The following LUZP1 variants were observed in gnomAD, a reference collection of about 807,000 sequenced individuals.
LUZP1 encodes leucine zipper protein 1.
Under a neutral mutation model 71.3 loss-of-function variants are expected in LUZP1, and 25 were observed. That is an observed-to-expected ratio of 0.35 (90% CI 0.26 to 0.49). LUZP1 has a LOEUF of 0.49. LUZP1 is among the 20% of genes least tolerant of loss of function. The pLI is 0.99. For missense variants in LUZP1, 1,142 were observed against 1,300.8 expected, an observed-to-expected ratio of 0.88 and a Z score of 1.88; for synonymous variants, 481 against 506.4, an observed-to-expected ratio of 0.95 and a Z score of 0.67.
At chr1:23,135,737 A>C (rs1644248449) in intron 2 of LUZP1, among the ~76,000 whole-genome samples, 1 of 152,180 alleles carries the variant, frequency 6.6e-6, no homozygotes, top group Non-Finnish European at 1.5e-5. Context: ...AAAGGAAGAG[A>C]ATATTATTAA....
chr1:23,149,078 C>CAA (rs1644363592), intron 2 of LUZP1, among the ~76,000 whole-genome samples: 8 of 65,456 alleles, frequency 1.2e-4, no homozygotes, highest in African/African-American at 7.2e-4. Context: ...GACACCTTGC[C>CAA]TAAAAAAAAA....
intron 3 of LUZP1, among the ~76,000 whole-genome samples, chr1:23,097,086 TAGAATGCTGTTTCCTCACAGGGA>T (rs1643896288): frequency 6.6e-6 from 1 of 152,116 alleles, no homozygotes; most frequent in Non-Finnish European, 1.5e-5. Flanking sequence ...AGATGACACC[TAGAATGCTGTTTCCTCACAGGGA>T]AGAAGGAATG....
chr1:23,146,039 T>C (rs1039188085), intron 2 of LUZP1, among the ~76,000 whole-genome samples: 1 of 152,096 alleles, frequency 6.6e-6, no homozygotes, highest in African/African-American at 2.4e-5. Context: ...AACACCACCA[T>C]CTTTTTTTTC....
At chr1:23,138,697 G>GTGTGTGTATA (rs1401882473) in intron 2 of LUZP1, among the ~76,000 whole-genome samples, 24 of 136,004 alleles carry the variant, frequency 1.8e-4, no homozygotes, top group Admixed American at 4.5e-4. Flanking sequence ...GTGTGTGTGT[G>GTGTGTGTATA]TATATATATA....
rs2124733041 is a variant in LUZP1, at chr1:23,152,406, T to A, written c.-226+16360A>T. ...AGAATCTCAACATCTCACAAATAAA[T>A]GGAATTGAAAAAGCATATGGATATA... On this transcript the variant is annotated intron_variant, in intron 2 of 4. Transcript: ENST00000302291. 4.6e-5 allele frequency among the ~76,000 whole-genome samples: 7 copies of A among 152,274 alleles called. No individual in the cohort carries two copies. The South Asian group carries it at 1.4e-3, about 32-fold the overall frequency.
At chr1:23,144,680 TA>T (rs1258620752) in intron 2 of LUZP1, among the ~76,000 whole-genome samples, 1 of 152,144 alleles carries the variant, frequency 6.6e-6, no homozygotes, top group African/African-American at 2.4e-5. Context: ...ACCTCCCATC[TA>T]ACAGCAGGAA....
chr1:23,163,057 T>C (rs1488013853), intron 2 of LUZP1, among the ~76,000 whole-genome samples: 1 of 151,146 alleles, frequency 6.6e-6, no homozygotes. Context: ...CTGGCCAACA[T>C]GGTAAAACCC....
chr1:23,126,612 G>A (rs1000962509), intron 2 of LUZP1, among the ~76,000 whole-genome samples: 61 of 152,174 alleles, frequency 4.0e-4, no homozygotes, highest in African/African-American at 1.4e-3. Flanking sequence ...AACAGTACCT[G>A]GCATATGACA....
chr1:23,167,985 C>T (rs2148218394), intron 2 of LUZP1, among the ~76,000 whole-genome samples: 1 of 151,492 alleles, frequency 6.6e-6, no homozygotes, highest in East Asian at 2.0e-4. Flanking sequence ...TCGCCGGCGT[C>T]CCCCTGCAGA....
chr1:23,093,489 T>G lies in LUZP1; in HGVS notation c.773A>C (p.Lys258Thr). 6.2e-7 allele frequency: 1 copy of G among 1,612,552 alleles called. No individual in the cohort carries two copies. The highest frequency in any genetic ancestry group is 1.3e-5 in the African/African-American group (1 of 74,894). ...CTGCTTTAGGTAGTCCAGACCACCC[T>G]TCCTTCTTGATTCTTTGGACGGCAG... The change falls in exon 4 of 5, where the codon AAG becomes ACG. Residue 258 changes from lysine (K) to threonine (T), a missense_variant. Transcript: ENST00000302291. The surrounding 1 kb of genome is among the most constrained non-coding windows in gnomAD (Gnocchi z 4.2).
chr1:23,138,712 T>C (rs1342681923), intron 2 of LUZP1, among the ~76,000 whole-genome samples: 6 of 137,646 alleles, frequency 4.4e-5, no homozygotes, highest in Admixed American at 2.2e-4. Context: ...TATATATATA[T>C]ATAAATGAGG....
At chr1:23,154,853 C>T (rs369568171) in intron 2 of LUZP1, among the ~76,000 whole-genome samples, 1 of 151,864 alleles carries the variant, frequency 6.6e-6, no homozygotes, top group Admixed American at 6.6e-5. Context: ...CTTTTCTCTC[C>T]CTCTAAGTTA....
intron 3 of LUZP1, among the ~76,000 whole-genome samples, chr1:23,102,623 A>G (rs1643940484): frequency 6.6e-6 from 1 of 152,172 alleles, no homozygotes; most frequent in Non-Finnish European, 1.5e-5. Flanking sequence ...ACTGTACAGA[A>G]GTGAATGAAC....
At chr1:23,117,507 TGGGGGGGGGGGC>T (rs1203831136) in intron 2 of LUZP1, among the ~76,000 whole-genome samples, 3 of 23,090 alleles carry the variant, frequency 1.3e-4, no homozygotes, top group South Asian at 5.9e-3. Flanking sequence ...CAGGAAGCCC[TGGGGGGGGGGGC>T]GGGGGGGGGG....
chr1:23,160,914 C>T (rs1644459711), intron 2 of LUZP1, among the ~76,000 whole-genome samples: 1 of 152,110 alleles, frequency 6.6e-6, no homozygotes, highest in South Asian at 2.1e-4. Flanking sequence ...TTTCCATGAA[C>T]ACAAGGTGGT....
chr1:23,089,045 T>C, exon 5 of LUZP1: 2 of 1,613,598 alleles, frequency 1.2e-6, no homozygotes, highest in Non-Finnish European at 8.5e-7. Context: ...AGTCTTCCCC[T>C]TCTTCCTCCT....
chr1:23,089,807 C>G (rs916696985), intron 4 of LUZP1, among the ~76,000 whole-genome samples: 2 of 151,420 alleles, frequency 1.3e-5, no homozygotes, highest in African/African-American at 4.9e-5. Context: ...GTTGCCCAGG[C>G]TGGAGTACAA....
chr1:23,154,105 C>T (rs1441059815), intron 2 of LUZP1, among the ~76,000 whole-genome samples: 1 of 152,154 alleles, frequency 6.6e-6, no homozygotes, highest in Non-Finnish European at 1.5e-5. Context: ...CTACCACTTA[C>T]AGAACATTCT....
intron 2 of LUZP1, among the ~76,000 whole-genome samples, chr1:23,111,935 T>C (rs1644037916): frequency 6.6e-6 from 1 of 152,132 alleles, no homozygotes; most frequent in Non-Finnish European, 1.5e-5. Context: ...GCCCTAACAG[T>C]GATAGCAGCG....
Sources: gnomAD v4.1 joint callset for allele counts (sites outside exome capture counted in the v4.1 genomes callset) on GRCh38, gnomAD v4.1.1 for gene constraint, Gnocchi (gnomAD v3.1) non-coding constraint, MANE v1.5 for transcripts, NCBI Gene and HGNC (gene_info 2026-07-23, HGNC 2026-07-21) for gene names.